SUGCT: variants seen among roughly 807,000 people sequenced by gnomAD.
SUGCT encodes succinyl-CoA:glutarate-CoA transferase.
In SUGCT, 41 loss-of-function variants were observed where a neutral mutation model predicts 55.0. That is an observed-to-expected ratio of 0.74 (90% confidence interval 0.58 to 0.97). The LOEUF is 0.97. Ranked by LOEUF, SUGCT falls within the 50% of genes least tolerant of loss-of-function variation. SUGCT has a pLI of 0.00. For missense variants in SUGCT, 568 were observed against 547.8 expected (o/e 1.04, Z -0.37); for synonymous variants, 187 against 200.4 (o/e 0.93, Z 0.56).
chr7:40,900,996 G>T, the SUGCT span, among the ~76,000 whole-genome samples: 1 of 152,330 alleles, frequency 6.6e-6, no homozygotes, highest in East Asian at 1.9e-4. Context: ...ATGTTTGGAT[G>T]GATGTGTATG....
the SUGCT span, among the ~76,000 whole-genome samples, chr7:40,975,269 A>G: frequency 1.3e-5 from 2 of 152,198 alleles, no homozygotes; most frequent in African/African-American, 2.4e-5. Context: ...GGAAGCGGAA[A>G]TCTCAAGGAT....
At chr7:40,880,908 T>C in the SUGCT span, among the ~76,000 whole-genome samples, 2 of 152,198 alleles carry the variant, frequency 1.3e-5, no homozygotes, top group African/African-American at 4.8e-5. Flanking sequence ...GGCAACAGCT[T>C]ATTGTGAGGT....
At chr7:40,880,930 G>A in the SUGCT span, among the ~76,000 whole-genome samples, 4 of 152,192 alleles carry the variant, frequency 2.6e-5, no homozygotes, top group Non-Finnish European at 5.9e-5. Context: ...GAGAGAGAAT[G>A]ACCCTCAAGC....
chr7:40,378,077 A>G (rs1428445089), intron 9 of SUGCT, among the ~76,000 whole-genome samples: 1 of 151,714 alleles, frequency 6.6e-6, no homozygotes, highest in African/African-American at 2.4e-5. Context: ...GTATGGAACC[A>G]CCTTGGAGTT....
intron 12 of SUGCT, among the ~76,000 whole-genome samples, chr7:40,566,619 T>A (rs1314193174): frequency 6.6e-6 from 1 of 152,194 alleles, no homozygotes; most frequent in Non-Finnish European, 1.5e-5. Flanking sequence ...ACCTTAAAAA[T>A]CTTTATTATG....
At chr7:40,760,773 A>G (rs919756820) in intron 13 of SUGCT, among the ~76,000 whole-genome samples, 2 of 151,802 alleles carry the variant, frequency 1.3e-5, no homozygotes, top group African/African-American at 4.8e-5. Flanking sequence ...TGGTTTTGCA[A>G]TTTATGTTTG....
the SUGCT span, among the ~76,000 whole-genome samples, chr7:40,887,403 A>G: frequency 6.6e-6 from 1 of 152,214 alleles, no homozygotes; most frequent in Non-Finnish European, 1.5e-5. Flanking sequence ...CATTGCTACA[A>G]GGGTAGTGGA....
intron 13 of SUGCT, among the ~76,000 whole-genome samples, chr7:40,786,181 T>C (rs538494020): frequency 5.4e-4 from 83 of 152,294 alleles, no homozygotes; most frequent in African/African-American, 1.9e-3. Flanking sequence ...AAGTGAAATA[T>C]TGATGAAGGC....
chr7:40,991,841 T>G, the SUGCT span, among the ~76,000 whole-genome samples: 57 of 152,224 alleles, frequency 3.7e-4, 2 homozygotes, highest in South Asian at 0.012. Context: ...AGCCTTTCCC[T>G]CTTCTGCATG....
At chr7:40,265,717 T>A (rs1179114228) in intron 7 of SUGCT, among the ~76,000 whole-genome samples, 2 of 152,052 alleles carry the variant, frequency 1.3e-5, no homozygotes, top group Non-Finnish European at 2.9e-5. Flanking sequence ...CACTTTGGGA[T>A]GTTGAGACAG....
chr7:40,936,217 C>T, the SUGCT span, among the ~76,000 whole-genome samples: 2 of 151,478 alleles, frequency 1.3e-5, no homozygotes, highest in African/African-American at 4.8e-5. Context: ...TTGGGTTTTT[C>T]CTTGTGGGAT....
Position 40,188,380 on chromosome 7 carries a change from G to A in SUGCT, c.227-115G>A, listed in dbSNP as rs147264387. 5.7e-4 allele frequency: 396 copies of A among 696,842 alleles called. 1 individual carries two copies. The African/African-American group carries it at 7.2e-3, about 13-fold the overall frequency. The allele number at this position is 696,842 out of a possible 1,614,324, so 43.2% of individuals were successfully genotyped here. Reference sequence around the variant, plus strand: ...ACCCAGGAGGTAGAGGTTGCAGTGAGCAGAGATCGTTCCTCTGCACTCCAG... The same window carrying A: ...ACCCAGGAGGTAGAGGTTGCAGTGAACAGAGATCGTTCCTCTGCACTCCAG... On this transcript the variant is annotated intron_variant, in intron 3 of 13. Coordinates refer to ENST00000335693, the MANE Select transcript of SUGCT (RefSeq NM_001193313.2).
chr7:40,948,219 C>G, the SUGCT span, among the ~76,000 whole-genome samples: 1 of 152,122 alleles, frequency 6.6e-6, no homozygotes, highest in Admixed American at 6.6e-5. Flanking sequence ...TATAGCCATG[C>G]CATTCCTTCT....
chr7:40,955,035 C>T, the SUGCT span, among the ~76,000 whole-genome samples: 2 of 152,184 alleles, frequency 1.3e-5, no homozygotes, highest in African/African-American at 2.4e-5. Context: ...GTTTTGGTTA[C>T]TGTAGCCTTG....
chr7:40,911,567 C>CAA, the SUGCT span, among the ~76,000 whole-genome samples: 591 of 124,940 alleles, frequency 4.7e-3, 10 homozygotes, highest in East Asian at 0.075. Flanking sequence ...GACCCTGTCT[C>CAA]AAAAAAAAAA....
chr7:40,641,782 T>G (rs1800280994), intron 12 of SUGCT, among the ~76,000 whole-genome samples: 1 of 152,180 alleles, frequency 6.6e-6, no homozygotes, highest in African/African-American at 2.4e-5. Context: ...GTTTCAGGTT[T>G]TTGTTGAACT....
At chr7:40,635,255 C>A (rs1400710263) in intron 12 of SUGCT, among the ~76,000 whole-genome samples, 2 of 151,616 alleles carry the variant, frequency 1.3e-5, no homozygotes, top group African/African-American at 4.9e-5. Flanking sequence ...CACTGCACTC[C>A]AGCCTGGGTG....
At chr7:40,678,302 T>C (rs1784095764) in intron 12 of SUGCT, among the ~76,000 whole-genome samples, 1 of 152,170 alleles carries the variant, frequency 6.6e-6, no homozygotes, top group Admixed American at 6.5e-5. Context: ...TCACTCGGCA[T>C]TGGTTTTTTG....
intron 6 of SUGCT, among the ~76,000 whole-genome samples, chr7:40,221,013 A>G (rs1787988360): frequency 1.3e-5 from 2 of 152,244 alleles, no homozygotes; most frequent in Non-Finnish European, 2.9e-5. Context: ...GTGGAGATAC[A>G]AAATATATGA....
Sources: gnomAD v4.1 joint callset for allele counts (sites outside exome capture counted in the v4.1 genomes callset) on GRCh38, gnomAD v4.1.1 for gene constraint, MANE v1.5 for transcripts, NCBI Gene and HGNC (gene_info 2026-07-23, HGNC 2026-07-21) for gene names.